Variants in TRAF7 observed in about 807,000 individuals in gnomAD.
TRAF7 encodes E3 ubiquitin-protein ligase TRAF7.
TRAF7 carries 45 observed loss-of-function variants against 89.3 expected under a neutral mutation model. The ratio of observed to expected loss-of-function variants is 0.50; its 90% CI spans 0.40 to 0.65. The LOEUF (loss-of-function observed/expected upper bound fraction) is 0.65. Ranked by LOEUF, TRAF7 falls within the 30% of genes least tolerant of loss-of-function variation. The pLI is 0.00. For missense variants in TRAF7, 677 were observed against 918.1 expected, an observed-to-expected ratio of 0.74 and a Z score of 3.39; for synonymous variants, 406 against 369.2, an observed-to-expected ratio of 1.10 and a Z score of -1.14.
chr16:2,165,758 T>G, intron 2 of TRAF7, 121 bp from the exon 3 acceptor site: 1 of 1,135,202 alleles, frequency 8.8e-7, no homozygotes, highest in South Asian at 1.3e-5. Flanking sequence ...GTCGCATGGT[T>G]AAGTGTGTGA....
At chr16:2,170,297 C>A (rs981846031) in intron 4 of TRAF7, among the ~76,000 whole-genome samples, 5 of 152,258 alleles carry the variant, frequency 3.3e-5, no homozygotes, top group African/African-American at 1.2e-4. Flanking sequence ...CACATTCCCC[C>A]ACGGGAAGCA....
Position 2,158,982 on chromosome 16 carries a change from G to A in TRAF7, c.-39+3124G>A, listed in dbSNP as rs1309203195. Among the ~76,000 whole-genome samples, 2 of 152,132 alleles carry A rather than the reference G, an allele frequency of 1.3e-5. No homozygotes were observed. Among genetic ancestry groups the A allele is most frequent in the African/African-American group, 4.8e-5 (2 of 41,430 alleles). ...CAGGAAGCCCTCTGGACTTCCCCTCGACTGGGCCAGGTCCCCACACAATAG... is the reference window on the plus strand; with the variant it reads ...CAGGAAGCCCTCTGGACTTCCCCTCAACTGGGCCAGGTCCCCACACAATAG... On this transcript the variant is annotated intron_variant, in intron 1 of 20. Coordinates refer to ENST00000326181, the MANE Select transcript of TRAF7 (RefSeq NM_032271.3). This position sits in a 1 kb window ranked among gnomAD's most constrained non-coding sequence, Gnocchi z 4.7.
chr16:2,175,792 A>C (rs760172565), intron 17 of TRAF7, 42 bp from the exon 18 acceptor site: 1 of 1,607,842 alleles, frequency 6.2e-7, no homozygotes, highest in South Asian at 1.1e-5. Context: ...CCTGGGGGTG[A>C]AGCACCTGGC....
chr16:2,165,061 G>T (rs9927113), intron 2 of TRAF7, among the ~76,000 whole-genome samples: 44 of 76,542 alleles, frequency 5.7e-4, no homozygotes, highest in South Asian at 1.3e-3. Context: ...GTCGCATGCT[G>T]AAGCGTGTGA....
intron 3 of TRAF7, among the ~76,000 whole-genome samples, chr16:2,166,353 C>T (rs959247465): frequency 6.6e-6 from 1 of 152,184 alleles, no homozygotes; most frequent in Non-Finnish European, 1.5e-5. Context: ...GCTTCAGTAA[C>T]AGTGCTGCAG....
rs933928350 is a variant in TRAF7, at chr16:2,159,465, G to T, written c.-39+3607G>T. Reference sequence around the variant, plus strand: ...AAAAAACGTTCTAAGGGACGTCAGGGAACAGCGGCGGAAGTGCGTGTGGCT... The same window carrying T: ...AAAAAACGTTCTAAGGGACGTCAGGTAACAGCGGCGGAAGTGCGTGTGGCT... On this transcript the variant is annotated intron_variant, in intron 1 of 20. Transcript: ENST00000326181. This position sits in a 1 kb window ranked among gnomAD's most constrained non-coding sequence, Gnocchi z 6.5. Among the ~76,000 whole-genome samples, 1 of 152,208 alleles carries T rather than the reference G, an allele frequency of 6.6e-6. No individual in the cohort carries two copies. Among genetic ancestry groups the T allele is most frequent in the African/African-American group, 2.4e-5 (1 of 41,440 alleles).
In TRAF7 at chr16:2,158,556, T is replaced by A. The variant is rs1177836701; in HGVS notation, c.-39+2698T>A. Reference sequence around the variant, plus strand: ...GACGGTGTGGGAAAGGAGGTGGCAGTGCGGTGGCACGCTGGCATGAGGGCG... The same window carrying A: ...GACGGTGTGGGAAAGGAGGTGGCAGAGCGGTGGCACGCTGGCATGAGGGCG... On this transcript the variant is annotated intron_variant, in intron 1 of 20. Coordinates refer to ENST00000326181, the MANE Select transcript of TRAF7 (RefSeq NM_032271.3). This position sits in a 1 kb window ranked among gnomAD's most constrained non-coding sequence, Gnocchi z 4.7. 6.6e-6 allele frequency among the ~76,000 whole-genome samples: 1 copy of A among 152,150 alleles called. No homozygotes were observed. Among genetic ancestry groups the A allele is most frequent in the African/African-American group, 2.4e-5 (1 of 41,440 alleles).
At chr16:2,174,370 G>C (rs766774107) in intron 14 of TRAF7, 37 bp downstream of exon 14, 2 of 1,602,128 alleles carry the variant, frequency 1.2e-6, no homozygotes, top group Non-Finnish European at 1.7e-6. Context: ...TGATTCCCAG[G>C]ACAGGAGACG....
At position 2,170,712 on chromosome 16, in the gene TRAF7, CGAGGAG is replaced by C; in HGVS notation, c.340_345del (p.Glu114_Glu115del). 4 of 1,602,772 alleles carry C rather than the reference CGAGGAG, an allele frequency of 2.5e-6. No individual in the cohort carries two copies. The highest frequency in any genetic ancestry group is 3.4e-6 in the Non-Finnish European group (4 of 1,175,224). ...CTCTGCGCTCCACATTCTCACTGCC[CGAGGAG>C]GAGGAGGAGCCGGTAGGTGTGGGGG... On this transcript the variant is annotated inframe_deletion, in exon 5 of 21. Transcript: ENST00000326181.
rs775115837 is a variant in TRAF7 at position 2,174,345 on chromosome 16, C to T, written c.1346+12C>T. The T allele has an allele frequency of 1.9e-6, 3 of 1,606,264 alleles. No individual in the cohort carries two copies. In the South Asian group the frequency reaches 3.3e-5, roughly 18 times the overall value. ...CTCTGCATCCAGGGGTGAGTCCAGG[C>T]ACATGTGTGATCAGTGATTCCCAGG... On this transcript the variant is annotated intron_variant, in intron 14 of 20. Transcript: ENST00000326181.
intron 14 of TRAF7, among the ~76,000 whole-genome samples, chr16:2,174,698 C>G (rs1239872473): frequency 6.6e-6 from 1 of 152,234 alleles, no homozygotes; most frequent in Non-Finnish European, 1.5e-5. Context: ...TACGGAGCAA[C>G]TACCTTGGCC....
At chr16:2,167,940 G>C (rs2093092976) in intron 3 of TRAF7, 137 bp from the exon 4 acceptor site, 1 of 716,720 alleles carries the variant, frequency 1.4e-6, no homozygotes, top group Non-Finnish European at 2.3e-6. Context: ...ATCCCTGCAT[G>C]CTTTCCTGCC....
chr16:2,165,857 G>GTC, intron 2 of TRAF7, 22 bp from the exon 3 acceptor site: 7 of 1,613,980 alleles, frequency 4.3e-6, no homozygotes, highest in Non-Finnish European at 5.9e-6. Context: ...ATGAGGCCAG[G>GTC]TCTCCTCCGT....
rs572949837 is a variant in TRAF7, at chr16:2,163,277, C to T, written c.-38-606C>T. Among the ~76,000 whole-genome samples, 33 of 152,308 alleles carry T rather than the reference C, an allele frequency of 2.2e-4. No homozygotes were observed. The highest frequency in any genetic ancestry group is 6.8e-3 in the Middle Eastern group (2 of 294). ...GCACGGGTTCCAGGGGCGGGCTCAT[C>T]TCTCTCCTGTGCTTTTTTCCGTGCA... On this transcript the variant is annotated intron_variant, in intron 1 of 20. Coordinates refer to ENST00000326181, the MANE Select transcript of TRAF7 (RefSeq NM_032271.3). The surrounding 1 kb of genome is among the most constrained non-coding windows in gnomAD (Gnocchi z 4.3).
At position 2,162,325 on chromosome 16, in the gene TRAF7, C is replaced by T; in HGVS notation, c.-38-1558C>T. ...ACCAAGGGCTTGAGAGCCAGCCCCT[C>T]CCTGCACACCTGTAGGCCGGGCTGG... On this transcript the variant is annotated intron_variant, in intron 1 of 20. Transcript: ENST00000326181. This position sits in a 1 kb window ranked among gnomAD's most constrained non-coding sequence, Gnocchi z 5.0. 6.6e-6 allele frequency among the ~76,000 whole-genome samples: 1 copy of T among 152,148 alleles called. No homozygotes were observed. The highest frequency in any genetic ancestry group is 1.5e-5 in the Non-Finnish European group (1 of 68,014).
chr16:2,173,435 C>A, intron 10 of TRAF7, 36 bp downstream of exon 10: 1 of 1,612,532 alleles, frequency 6.2e-7, no homozygotes, highest in East Asian at 2.2e-5. Flanking sequence ...GGGGCCTGGC[C>A]ACTGCTCCGG....
rs202079758 is a variant in TRAF7 at position 2,171,638 on chromosome 16, G to A, written c.475+33G>A. ...TGTGCCCCGGCCCAGGCCTGACGCCGACCGTGCCCATGGCTGCCGAGCAGA... is the reference window on the plus strand; with the variant it reads ...TGTGCCCCGGCCCAGGCCTGACGCCAACCGTGCCCATGGCTGCCGAGCAGA... On this transcript the variant is annotated intron_variant, in intron 7 of 20. Coordinates refer to ENST00000326181, the MANE Select transcript of TRAF7 (RefSeq NM_032271.3). 5.5e-5 allele frequency: 88 copies of A among 1,612,966 alleles called. No homozygotes were observed. The East Asian group carries it at 1.4e-3, about 26-fold the overall frequency.
At position 2,170,676 on chromosome 16, in the gene TRAF7, G is replaced by A. The variant is rs1452890870; in HGVS notation, c.294G>A (p.Glu98=). The A allele has an allele frequency of 2.5e-6, 4 of 1,609,222 alleles. No homozygotes were observed. The Admixed American group carries it at 6.7e-5, about 27-fold the overall frequency. ...SAISVRSLHS[E]SSMSLRSTFS... ...TCTCTGTCCGCTCCCTGCACTCAGA[G>A]TCCAGCATGTCTCTGCGCTCCACAT... is the stretch of plus-strand genomic sequence containing the variant. The change falls in exon 5 of 21, where the codon GAG becomes GAA. Residue 98 remains glutamate, a synonymous_variant. Coordinates refer to ENST00000326181, the MANE Select transcript of TRAF7 (RefSeq NM_032271.3).
rs1311976382 is a variant in TRAF7 at position 2,173,934 on chromosome 16, G to A, written c.1149G>A (p.Gln383=). The change falls in exon 13 of 21, where the codon CAG becomes CAA. Residue 383 remains glutamine (Q), a synonymous_variant. Coordinates refer to ENST00000326181, the MANE Select transcript of TRAF7 (RefSeq NM_032271.3). ...NMGILGSYDP[Q]QIFKCKGTFV... is the part of the protein sequence containing the mutation. Reference sequence around the variant, plus strand: ...CCATCTCTGCAGCCTACGACCCTCAGCAGATCTTCAAGTGCAAAGGGACCT... The same window carrying A: ...CCATCTCTGCAGCCTACGACCCTCAACAGATCTTCAAGTGCAAAGGGACCT... 2 of 1,384,514 alleles carry A rather than the reference G, an allele frequency of 1.4e-6. No homozygotes were observed. Among genetic ancestry groups the A allele is most frequent in the South Asian group, 2.3e-5 (2 of 87,854 alleles). 85.8% of individuals were successfully genotyped at this position (1,384,514 alleles called of 1,614,324 possible).
Sources: allele counts gnomAD v4.1 joint callset (sites outside exome capture counted in the v4.1 genomes callset), GRCh38; gene constraint gnomAD v4.1.1; non-coding constraint Gnocchi (gnomAD v3.1); transcripts MANE v1.5; gene names NCBI Gene and HGNC (gene_info 2026-07-23, HGNC 2026-07-21).